The following ADGRF5 variants were observed in gnomAD, a reference collection of about 807,000 sequenced individuals.
The protein encoded by ADGRF5 is adhesion G protein-coupled receptor F5.
A neutral mutation model predicts 132.3 loss-of-function variants in ADGRF5; 75 were observed. The ratio of observed to expected loss-of-function variants is 0.57; its 90% confidence interval spans 0.47 to 0.69. ADGRF5 has a LOEUF of 0.69. ADGRF5 is among the 30% of genes least tolerant of loss of function. The pLI is 0.00. For missense variants in ADGRF5, 1,516 were observed against 1,630.6 expected (o/e 0.93, Z 1.21); for synonymous variants, 629 against 597.6 (o/e 1.05, Z -0.77).
intron 8 of ADGRF5, among the ~76,000 whole-genome samples, chr6:46,880,629 TG>T (rs574677696): frequency 1.3e-5 from 2 of 152,270 alleles, no homozygotes; most frequent in South Asian, 4.1e-4. Context: ...CATAGCTGTG[TG>T]GCCCTGAGGA....
rs1257690448 is a variant in ADGRF5, at chr6:46,900,050, C to G, written c.136G>C (p.Ala46Pro). 6.2e-7 allele frequency: 1 copy of G among 1,612,546 alleles called. No homozygotes were observed. The highest frequency in any genetic ancestry group is 2.2e-5 in the East Asian group (1 of 44,870). Residue 46 changes from alanine to proline, a missense_variant, in exon 3 of 21, where the codon GCA (alanine) becomes CCA (proline). By Grantham distance (27) the Ala-to-Pro change is conservative. Around this residue, in one of 2 missense-constraint regions of ADGRF5, gnomAD observed 945 missense variants for 929.4 expected, o/e 1.02. Coordinates refer to ENST00000283296, the MANE Select transcript of ADGRF5 (RefSeq NM_001098518.2). Reference sequence around the variant, plus strand: ...ATACCGGCTCGTTTTTGCCTCAGTGCCTCTTCACCAGCTGGTTCATGTTCA... The same window carrying G: ...ATACCGGCTCGTTTTTGCCTCAGTGGCTCTTCACCAGCTGGTTCATGTTCA... ...LHEHEPAGEE[A>P]LRQKRAVATK... is the part of the protein sequence containing the mutation.
At chr6:46,876,689 G>A (rs557483847) in intron 10 of ADGRF5, among the ~76,000 whole-genome samples, 3 of 151,984 alleles carry the variant, frequency 2.0e-5, no homozygotes, top group Non-Finnish European at 2.9e-5. Context: ...CTGCAACCTC[G>A]GCCTCTCGGG....
intron 1 of ADGRF5, among the ~76,000 whole-genome samples, chr6:46,915,709 GA>G (rs373637972): frequency 0.022 from 3,220 of 148,588 alleles, 45 homozygotes; most frequent in South Asian, 0.047. Flanking sequence ...TATTCAGAAT[GA>G]AAAAAAAAAT....
chr6:46,926,783 A>G (rs1777271457), upstream of ADGRF5, among the ~76,000 whole-genome samples: 2 of 152,120 alleles, frequency 1.3e-5, no homozygotes, highest in African/African-American at 4.8e-5. Context: ...ACCCAGTCCC[A>G]TGGAGAAGAG....
At chr6:46,857,593 T>C (rs1769203503) in intron 17 of ADGRF5, among the ~76,000 whole-genome samples, 1 of 152,178 alleles carries the variant, frequency 6.6e-6, no homozygotes, top group South Asian at 2.1e-4. Context: ...AAGAAGATGT[T>C]TTTTCATTGT....
At chr6:46,881,270 C>T (rs1048368531) in intron 8 of ADGRF5, among the ~76,000 whole-genome samples, 185 bp downstream of exon 8, 1 of 152,178 alleles carries the variant, frequency 6.6e-6, no homozygotes, top group Non-Finnish European at 1.5e-5. Context: ...CTTTTCCACA[C>T]ACCCCAGGTA....
chr6:46,947,554 C>T (rs1194193982), intron 1 of ADGRF5, among the ~76,000 whole-genome samples: 2 of 152,054 alleles, frequency 1.3e-5, no homozygotes, highest in Non-Finnish European at 2.9e-5. Context: ...GTAATGTAAA[C>T]GAAGAAGTGG....
intron 20 of ADGRF5, 97 bp from the exon 21 acceptor site, chr6:46,854,168 G>T: frequency 1.2e-6 from 1 of 818,018 alleles, no homozygotes. Flanking sequence ...AGTGGTCCAG[G>T]TGCCAGGTAA....
intron 1 of ADGRF5, among the ~76,000 whole-genome samples, chr6:46,943,723 T>C (rs1222890115): frequency 1.3e-5 from 2 of 152,180 alleles, no homozygotes; most frequent in Non-Finnish European, 2.9e-5. Flanking sequence ...GTCTAGCAAA[T>C]TGAAAAATTT....
chr6:46,883,706 G>T, intron 5 of ADGRF5, 41 bp from the exon 6 acceptor site: 1 of 1,048,760 alleles, frequency 9.5e-7, no homozygotes, highest in Non-Finnish European at 1.4e-6. Context: ...ATATGTTAAT[G>T]TCTGAGTATA....
chr6:46,868,138 A>C (rs1259908972), intron 12 of ADGRF5, among the ~76,000 whole-genome samples: 1 of 152,224 alleles, frequency 6.6e-6, no homozygotes, highest in Non-Finnish European at 1.5e-5. Context: ...CTCATAGTTA[A>C]TGAAAGGCTT....
At chr6:46,866,010 T>C (rs112499917) in intron 13 of ADGRF5, among the ~76,000 whole-genome samples, 3 of 144,888 alleles carry the variant, frequency 2.1e-5, no homozygotes, top group African/African-American at 7.6e-5. Context: ...TTGAGATTTT[T>C]GGGTTGTGAG....
chr6:46,935,669 G>A (rs911491058), intron 1 of ADGRF5, among the ~76,000 whole-genome samples: 2 of 152,162 alleles, frequency 1.3e-5, no homozygotes, highest in Admixed American at 6.5e-5. Flanking sequence ...AGCTAATGTT[G>A]CCTTTCTCCT....
At chr6:46,925,701 G>A (rs1342212398), upstream of ADGRF5, among the ~76,000 whole-genome samples, 1 of 152,220 alleles carries the variant, frequency 6.6e-6, no homozygotes, top group African/African-American at 2.4e-5. Flanking sequence ...AGGTTGCTGT[G>A]AGCCAAGATT....
At chr6:46,883,189 T>G (rs1255336734) in intron 6 of ADGRF5, among the ~76,000 whole-genome samples, 1 of 152,128 alleles carries the variant, frequency 6.6e-6, no homozygotes, top group African/African-American at 2.4e-5. Context: ...CAGCCACGGG[T>G]TGGTCTGCCC....
At chr6:46,919,066 C>T (rs112795666) in intron 1 of ADGRF5, among the ~76,000 whole-genome samples, 145 of 152,296 alleles carry the variant, frequency 9.5e-4, no homozygotes, top group African/African-American at 3.4e-3. Flanking sequence ...CCTAGGGTGA[C>T]GCCGATGGAC....
intron 3 of ADGRF5, among the ~76,000 whole-genome samples, chr6:46,889,637 AC>A: frequency 6.9e-6 from 1 of 145,920 alleles, no homozygotes; most frequent in East Asian, 2.0e-4. Flanking sequence ...GAACAGATCC[AC>A]CTTGACTATG....
intron 11 of ADGRF5, 36 bp from the exon 12 acceptor site, chr6:46,869,128 C>A: frequency 6.3e-7 from 1 of 1,593,198 alleles, no homozygotes; most frequent in Non-Finnish European, 8.6e-7. Flanking sequence ...CAAAAGAAAA[C>A]TGACAAGTTC....
chr6:46,916,033 C>A (rs141614809), intron 1 of ADGRF5, among the ~76,000 whole-genome samples: 1 of 152,226 alleles, frequency 6.6e-6, no homozygotes, highest in Non-Finnish European at 1.5e-5. Flanking sequence ...CTGCAGCTGC[C>A]TCACTGTGCG....
Sources: allele counts gnomAD v4.1 joint callset (sites outside exome capture counted in the v4.1 genomes callset), GRCh38; gene constraint gnomAD v4.1.1; regional missense constraint gnomAD v4.1.1; transcripts MANE v1.5; gene names NCBI Gene and HGNC (gene_info 2026-07-23, HGNC 2026-07-21).